The following NRXN1 variants were observed in gnomAD, a reference collection of about 807,000 sequenced individuals.
NRXN1 encodes neurexin-1.
In NRXN1, 39 loss-of-function variants were observed where a neutral mutation model predicts 150.9. The ratio of observed to expected loss-of-function variants is 0.26; its 90% confidence interval spans 0.20 to 0.34. The LOEUF (loss-of-function observed/expected upper bound fraction) is 0.34. Ranked by LOEUF, NRXN1 falls within the 10% of genes least tolerant of loss-of-function variation. The probability of loss-of-function intolerance (pLI) is 1.00; values close to 1 mark genes in which losing one functional copy is unlikely to be tolerated. For missense variants in NRXN1, 1,815 were observed against 1,949.9 expected, an observed-to-expected ratio of 0.93 and a Z score of 1.30; for synonymous variants, 924 against 757.0, an observed-to-expected ratio of 1.22 and a Z score of -3.62.
chr2:50,443,971 A>C (rs376128788), intron 17 of NRXN1, among the ~76,000 whole-genome samples: 1 of 152,226 alleles, frequency 6.6e-6, no homozygotes, highest in South Asian at 2.1e-4. Flanking sequence ...AGAATTAAAC[A>C]TAAAATTTGA....
chr2:50,225,874 T>C (rs928257138), intron 18 of NRXN1, among the ~76,000 whole-genome samples: 1 of 152,002 alleles, frequency 6.6e-6, no homozygotes, highest in Non-Finnish European at 1.5e-5. Context: ...TAACTTCCTA[T>C]GTATTTATTT....
At chr2:50,139,324 C>CAAAAA (rs35142652) in intron 18 of NRXN1, among the ~76,000 whole-genome samples, 3 of 77,388 alleles carry the variant, frequency 3.9e-5, no homozygotes, top group East Asian at 4.2e-4. Flanking sequence ...GACTTGGTAT[C>CAAAAA]AAAAAAAAAA....
intron 5 of NRXN1, among the ~76,000 whole-genome samples, chr2:50,667,225 G>C (rs1688193427): frequency 6.6e-6 from 1 of 151,782 alleles, no homozygotes; most frequent in African/African-American, 2.4e-5. Flanking sequence ...TTCTGATGAT[G>C]CATCTTAATT....
chr2:50,208,590 G>GA (rs2062783682), intron 18 of NRXN1, among the ~76,000 whole-genome samples: 1 of 152,028 alleles, frequency 6.6e-6, no homozygotes, highest in Non-Finnish European at 1.5e-5. Context: ...GGTGGTGGTG[G>GA]AGGGTCTTGG....
At chr2:50,436,008 T>A (rs1380776625) in intron 17 of NRXN1, among the ~76,000 whole-genome samples, 1 of 152,078 alleles carries the variant, frequency 6.6e-6, no homozygotes, top group Non-Finnish European at 1.5e-5. Flanking sequence ...ATTTTACATA[T>A]AACTAACATA....
intron 17 of NRXN1, among the ~76,000 whole-genome samples, chr2:50,394,574 C>G (rs936875412): frequency 7.2e-5 from 11 of 152,084 alleles, no homozygotes; most frequent in Non-Finnish European, 1.5e-4. Context: ...AACCTCACAA[C>G]CACCTAAATC....
intron 18 of NRXN1, among the ~76,000 whole-genome samples, chr2:50,172,497 A>G (rs2060093112): frequency 6.6e-6 from 1 of 152,126 alleles, no homozygotes; most frequent in African/African-American, 2.4e-5. Context: ...TGTGATATTT[A>G]TCTCTGTTTC....
At chr2:50,106,018 A>G (rs1464950893) in intron 18 of NRXN1, among the ~76,000 whole-genome samples, 1 of 151,940 alleles carries the variant, frequency 6.6e-6, no homozygotes, top group Non-Finnish European at 1.5e-5. Flanking sequence ...ATTTCAGATT[A>G]TGATTAGAAA....
chr2:51,005,980 G>A (rs996897834), intron 2 of NRXN1, among the ~76,000 whole-genome samples: 8 of 151,280 alleles, frequency 5.3e-5, no homozygotes, highest in African/African-American at 1.9e-4. Flanking sequence ...AAGCAAGCAG[G>A]GGCAGTCATA....
intron 17 of NRXN1, among the ~76,000 whole-genome samples, chr2:50,265,020 A>C (rs1346596266): frequency 6.6e-6 from 1 of 152,162 alleles, no homozygotes; most frequent in Non-Finnish European, 1.5e-5. Flanking sequence ...AATTACATGT[A>C]GAAAGGTTTT....
intron 21 of NRXN1, among the ~76,000 whole-genome samples, chr2:50,008,285 G>A (rs1026629466): frequency 1.3e-5 from 2 of 152,080 alleles, no homozygotes; most frequent in Non-Finnish European, 1.5e-5. Flanking sequence ...CAGAACACTA[G>A]AGAACTGGGT....
chr2:50,511,373 A>C (rs1432485492), intron 12 of NRXN1, among the ~76,000 whole-genome samples: 1 of 152,192 alleles, frequency 6.6e-6, no homozygotes, highest in Non-Finnish European at 1.5e-5. Context: ...AACTTTTAAA[A>C]AATTATTCTG....
At chr2:50,736,459 G>T (rs1698761563) in intron 5 of NRXN1, among the ~76,000 whole-genome samples, 1 of 152,050 alleles carries the variant, frequency 6.6e-6, no homozygotes, top group African/African-American at 2.4e-5. Context: ...TAGTGATATG[G>T]CTTGGCTGTG....
intron 5 of NRXN1, among the ~76,000 whole-genome samples, chr2:50,837,011 A>C (rs185387428): frequency 4.6e-5 from 7 of 152,170 alleles, no homozygotes; most frequent in African/African-American, 1.7e-4. Flanking sequence ...TTCATTTCCA[A>C]AAGAGTAAAT....
At chr2:50,596,380 TTTGGAGCATCTTCTATGTGGTTC>T (rs1675206532) in intron 8 of NRXN1, among the ~76,000 whole-genome samples, 1 of 152,236 alleles carries the variant, frequency 6.6e-6, no homozygotes. Context: ...ATTGCTGTGT[TTTGGAGCATCTTCTATGTGGTTC>T]TTTGTTGATG....
chr2:50,831,855 G>T (rs1671449007), intron 5 of NRXN1, among the ~76,000 whole-genome samples: 1 of 152,134 alleles, frequency 6.6e-6, no homozygotes, highest in South Asian at 2.1e-4. Context: ...CATTTCTTTT[G>T]TGTCTGTTCA....
intron 19 of NRXN1, among the ~76,000 whole-genome samples, chr2:50,058,359 C>G (rs1693966178): frequency 6.6e-6 from 1 of 152,136 alleles, no homozygotes; most frequent in South Asian, 2.1e-4. Context: ...GTCATATCTT[C>G]CTACTACCCC....
At chr2:50,163,043 A>G (rs985861660) in intron 18 of NRXN1, among the ~76,000 whole-genome samples, 9 of 151,608 alleles carry the variant, frequency 5.9e-5, no homozygotes, top group African/African-American at 2.2e-4. Flanking sequence ...CAAATTTAAA[A>G]CATTTATCAA....
chr2:50,739,229 G>T, intron 5 of NRXN1: 1 of 499,702 alleles, frequency 2.0e-6, no homozygotes, highest in South Asian at 1.5e-5. Context: ...CAAGGGCACT[G>T]GGTTCATTGA....
Sources: gnomAD v4.1 joint callset for allele counts (sites outside exome capture counted in the v4.1 genomes callset) on GRCh38, gnomAD v4.1.1 for gene constraint, MANE v1.5 for transcripts, NCBI Gene and HGNC (gene_info 2026-07-23, HGNC 2026-07-21) for gene names.